CRISP2: variants seen among roughly 807,000 people sequenced by gnomAD.
The protein encoded by CRISP2 is cysteine-rich secretory protein 2.
CRISP2 carries 29 observed loss-of-function variants against 31.7 expected under a neutral mutation model. That is an observed-to-expected ratio of 0.92 (90% CI 0.68 to 1.25). The LOEUF (loss-of-function observed/expected upper bound fraction) is 1.25. Ranked by LOEUF, CRISP2 falls within the 50% of genes most tolerant of loss-of-function variation. The probability of loss-of-function intolerance (pLI) is 0.00; values close to 1 mark genes in which losing one functional copy is unlikely to be tolerated. For missense variants in CRISP2, 318 were observed against 286.5 expected (o/e 1.11, Z -0.79); for synonymous variants, 111 against 101.4 (o/e 1.09, Z -0.57).
intron 3 of CRISP2, 74 bp from the exon 4 acceptor site, chr6:49,709,279 T>C: frequency 8.1e-7 from 1 of 1,237,396 alleles, no homozygotes. Context: ...AATACCAATA[T>C]AATGATCTCG....
Position 49,699,799 on chromosome 6 carries a change from C to T in CRISP2, c.271+5G>A, listed in dbSNP as rs1383881159. 5 of 1,593,006 alleles carry T rather than the reference C, an allele frequency of 3.1e-6. No homozygotes were observed. The highest frequency in any genetic ancestry group is 4.3e-6 in the Non-Finnish European group (5 of 1,162,248). ...TATTCAACAAATATTTACTAATTTA[C>T]ATACTGGTTTTGCGGTCCTCTGGAT... On this transcript the variant is annotated splice_donor_5th_base_variant and intron_variant, in intron 6 of 9. Transcript: ENST00000339139.
At chr6:49,688,560 G>A (rs1233404877), downstream of CRISP2, among the ~76,000 whole-genome samples, 4 of 152,102 alleles carry the variant, frequency 2.6e-5, no homozygotes, top group East Asian at 1.9e-4. Flanking sequence ...ATATTGTGAT[G>A]AGAAAATATT....
intron 6 of CRISP2, among the ~76,000 whole-genome samples, chr6:49,699,091 A>G (rs1765231776): frequency 6.6e-6 from 1 of 152,142 alleles, no homozygotes; most frequent in Admixed American, 6.6e-5. Flanking sequence ...AGTGCCTTAC[A>G]GCCCAGAAAC....
At chr6:49,686,884 T>C in the CRISP2 span, among the ~76,000 whole-genome samples, 1 of 152,174 alleles carries the variant, frequency 6.6e-6, no homozygotes, top group African/African-American at 2.4e-5. Context: ...TAAAAAATGA[T>C]GAGTTCATGT....
In CRISP2 at chr6:49,697,977, T is replaced by C. The variant is rs1582046371; in HGVS notation, c.418-20A>G. 3.9e-6 allele frequency: 6 copies of C among 1,528,982 alleles called. No homozygotes were observed. The highest frequency in any genetic ancestry group is 4.1e-5 in the Admixed American group (2 of 48,308). 94.7% of individuals were successfully genotyped at this position (1,528,982 alleles called of 1,614,324 possible). On this transcript the variant is annotated intron_variant, in intron 7 of 9. Coordinates refer to ENST00000339139, the MANE Select transcript of CRISP2 (RefSeq NM_003296.4). ...AACAAGCTGCAAATTAACAATGGAA[T>C]AAATATATAAAAGTACATTAGAGAA...
chr6:49,695,618 A>G (rs1276508916), intron 9 of CRISP2, among the ~76,000 whole-genome samples: 4 of 152,226 alleles, frequency 2.6e-5, no homozygotes, highest in Admixed American at 6.5e-5. Context: ...TAAATATTCC[A>G]TTATGTTACA....
intron 4 of CRISP2, among the ~76,000 whole-genome samples, chr6:49,704,505 T>A (rs1766662943): frequency 6.6e-6 from 1 of 152,292 alleles, no homozygotes; most frequent in Non-Finnish European, 1.5e-5. Context: ...GATCTGGGGC[T>A]CAAGGGCTGC....
the CRISP2 span, among the ~76,000 whole-genome samples, chr6:49,685,117 G>GC: frequency 6.6e-6 from 1 of 152,102 alleles, no homozygotes; most frequent in African/African-American, 2.4e-5. Flanking sequence ...TGCCTCATCA[G>GC]CCCCCACTGC....
At chr6:49,700,901 G>T in intron 4 of CRISP2, 117 bp from the exon 5 acceptor site, 2 of 600,494 alleles carry the variant, frequency 3.3e-6, no homozygotes, top group South Asian at 2.1e-5. Context: ...TAGTTATCAT[G>T]TACATATATT....
At chr6:49,686,801 T>C in the CRISP2 span, among the ~76,000 whole-genome samples, 1 of 152,072 alleles carries the variant, frequency 6.6e-6, no homozygotes, top group East Asian at 1.9e-4. Flanking sequence ...TTGGAACCAA[T>C]CCAAATGTCC....
chr6:49,701,069 C>T (rs1428989556), intron 4 of CRISP2, among the ~76,000 whole-genome samples: 1 of 151,990 alleles, frequency 6.6e-6, no homozygotes, highest in Non-Finnish European at 1.5e-5. Flanking sequence ...GTGAGTAACT[C>T]ATGGCATGAC....
At chr6:49,703,301 G>C (rs112870844) in intron 4 of CRISP2, among the ~76,000 whole-genome samples, 1,769 of 150,778 alleles carry the variant, frequency 0.012, 36 homozygotes, top group African/African-American at 0.042. Context: ...GGCTATGCAG[G>C]CTTTTTTTTT....
chr6:49,679,704 T>G, the CRISP2 span, among the ~76,000 whole-genome samples: 1 of 150,708 alleles, frequency 6.6e-6, no homozygotes, highest in Non-Finnish European at 1.5e-5. Flanking sequence ...TTTTTGACAT[T>G]TATTTATTTA....
chr6:49,698,298 A>T, intron 7 of CRISP2, 64 bp downstream of exon 7: 1 of 1,560,132 alleles, frequency 6.4e-7, no homozygotes, highest in South Asian at 1.1e-5. Context: ...AGTGGTCATA[A>T]TTTGGAGAAG....
rs1293697826 is a variant in CRISP2, at chr6:49,702,156, T to TGTGTACATATATATATATATGTGTAC, written c.67-1373_67-1372insGTACACATATATATATATATGTACAC. On this transcript the variant is annotated intron_variant, in intron 4 of 9. Transcript: ENST00000339139. Reference sequence around the variant, plus strand: ...TATGTGTACTATATATATATATATATATATATATATATATATATATATATA... The same window carrying TGTGTACATATATATATATATGTGTAC: ...TATGTGTACTATATATATATATATATGTGTACATATATATATATATGTGTACATATATATATATATATATATATATA... Among the ~76,000 whole-genome samples the TGTGTACATATATATATATATGTGTAC allele has an allele frequency of 3.3e-3, 217 of 66,246 alleles. 1 individual carries two copies. Among genetic ancestry groups the TGTGTACATATATATATATATGTGTAC allele is most frequent in the African/African-American group, 0.013 (209 of 16,012 alleles). The allele number at this position is 66,246 out of a possible 152,430, so 43.5% of individuals were successfully genotyped here. A position where few individuals can be genotyped will look rare whatever the true frequency, so the allele number is the denominator to read the frequency against.
At chr6:49,698,160 G>C (rs774764634) in intron 7 of CRISP2, among the ~76,000 whole-genome samples, 2 of 151,900 alleles carry the variant, frequency 1.3e-5, no homozygotes, top group African/African-American at 4.8e-5. Flanking sequence ...TATAATGTAG[G>C]AACAATACAG....
rs142095219 is a variant in CRISP2, at chr6:49,699,863, G to A, written c.212C>T (p.Ala71Val). 3.7e-6 allele frequency: 6 copies of A among 1,612,464 alleles called. No homozygotes were observed. The highest frequency in any genetic ancestry group is 2.7e-5 in the African/African-American group (2 of 74,830). The stretch of plus-strand genomic sequence containing the variant: ...AGTGCACTTGTTTGCCCACCTTTGG[G>A]CATTCGTTGTTACCTCTCTGCTCCA... ...MEWSREVTTN[A>V]QRWANKCTLQ... The change falls in exon 6 of 10, where the codon GCC (alanine) becomes GTC (valine). Residue 71 changes from alanine to valine, a missense_variant. Transcript: ENST00000339139.
intron 8 of CRISP2, among the ~76,000 whole-genome samples, chr6:49,696,401 T>C (rs1170292563): frequency 6.6e-6 from 1 of 152,056 alleles, no homozygotes. Context: ...TAACAGAAAC[T>C]ATGAAAAATA....
the CRISP2 span, among the ~76,000 whole-genome samples, chr6:49,678,447 TTTCCATCTTA>T: frequency 6.6e-6 from 1 of 152,028 alleles, no homozygotes; most frequent in African/African-American, 2.4e-5. Flanking sequence ...GGAGAAAAAA[TTTCCATCTTA>T]TTACACTTTC....
Sources: allele counts gnomAD v4.1 joint callset (sites outside exome capture counted in the v4.1 genomes callset), GRCh38; gene constraint gnomAD v4.1.1; transcripts MANE v1.5; gene names NCBI Gene and HGNC (gene_info 2026-07-23, HGNC 2026-07-21).